The following MTHFSD variants were observed in gnomAD, a reference collection of about 807,000 sequenced individuals.
MTHFSD encodes methenyltetrahydrofolate synthetase domain containing, also known as methenyltetrahydrofolate synthase domain-containing protein.
MTHFSD carries 37 observed loss-of-function variants against 31.1 expected under a neutral mutation model. The ratio of observed to expected loss-of-function variants is 1.19; its 90% confidence interval spans 0.91 to 1.56. The LOEUF is 1.56. Ranked by LOEUF, MTHFSD falls within the 40% of genes most tolerant of loss-of-function variation. MTHFSD has a pLI of 0.00. For synonymous variants in MTHFSD, 221 were observed against 206.9 expected (o/e 1.07, Z -0.59); for missense variants, 664 against 510.1 (o/e 1.30, Z -2.91).
intron 5 of MTHFSD, among the ~76,000 whole-genome samples, chr16:86,543,354 C>T (rs1230642222): frequency 6.6e-6 from 1 of 152,144 alleles, no homozygotes; most frequent in Non-Finnish European, 1.5e-5. Flanking sequence ...GACAATCCAC[C>T]CTTCAGTTCA....
At position 86,540,503 on chromosome 16, in the gene MTHFSD, CT is replaced by C. The variant is rs368429277; in HGVS notation, c.681+1193del. The stretch of plus-strand genomic sequence containing the variant: ...CCAGAGGAGGCTGTCCAGGCTCCCC[CT>C]AATACGGCTGCAATGGGCCCCTTCT... On this transcript the variant is annotated intron_variant, in intron 7 of 7. Transcript: ENST00000360900. Among the ~76,000 whole-genome samples the C allele has an allele frequency of 3.2e-3, 484 of 152,330 alleles. 3 individuals are homozygous for C. Among genetic ancestry groups the C allele is most frequent in the African/African-American group, 0.011 (460 of 41,580 alleles).
chr16:86,553,991 C>T (rs1296954506), intron 2 of MTHFSD, among the ~76,000 whole-genome samples: 2 of 152,136 alleles, frequency 1.3e-5, no homozygotes, highest in South Asian at 2.1e-4. Context: ...ATTGTAAACG[C>T]ACCAATCAGC....
intron 5 of MTHFSD, among the ~76,000 whole-genome samples, chr16:86,546,149 T>C (rs980492438): frequency 1.3e-5 from 2 of 152,210 alleles, no homozygotes; most frequent in African/African-American, 4.8e-5. Context: ...GGACACACCG[T>C]GTTGTTCAAG....
chr16:86,541,177 G>A (rs1971455309), intron 7 of MTHFSD: 2 of 1,289,556 alleles, frequency 1.6e-6, no homozygotes, highest in Non-Finnish European at 2.0e-6. Flanking sequence ...AGACTAATTT[G>A]CAACCTGTGC....
chr16:86,538,311 G>A (rs918445985), intron 7 of MTHFSD, among the ~76,000 whole-genome samples: 3 of 152,324 alleles, frequency 2.0e-5, no homozygotes, highest in African/African-American at 7.2e-5. Context: ...GGGCAGAACA[G>A]AGCTTCCAGG....
chr16:86,554,495 G>A (rs917710081), intron 2 of MTHFSD, 150 bp downstream of exon 2: 3 of 651,886 alleles, frequency 4.6e-6, no homozygotes, highest in East Asian at 2.7e-5. Context: ...TGCTAAGGAC[G>A]CCCTGGCCAA....
At chr16:86,541,345 AGGCAGAGCTTGCTGCGCCTGGGAT>A (rs1296263503) in intron 7 of MTHFSD, 1 of 759,688 alleles carries the variant, frequency 1.3e-6, no homozygotes, top group Non-Finnish European at 1.9e-6. Context: ...AGATAACACC[AGGCAGAGCTTGCTGCGCCTGGGAT>A]GGCAGAAAAC....
At chr16:86,546,105 G>A (rs977963223) in intron 5 of MTHFSD, among the ~76,000 whole-genome samples, 9 of 151,634 alleles carry the variant, frequency 5.9e-5, no homozygotes, top group Non-Finnish European at 1.2e-4. Context: ...CGTTGTTCAG[G>A]AGTCTCGGAC....
chr16:86,534,739 C>T (rs1237874095), intron 7 of MTHFSD, among the ~76,000 whole-genome samples: 1 of 151,788 alleles, frequency 6.6e-6, no homozygotes, highest in South Asian at 2.1e-4. Flanking sequence ...TCTGGAAGAA[C>T]TGAAAGTTAC....
intron 3 of MTHFSD, among the ~76,000 whole-genome samples, chr16:86,550,690 G>A (rs1444292968): frequency 2.0e-5 from 3 of 152,210 alleles, no homozygotes; most frequent in Non-Finnish European, 4.4e-5. Context: ...AGTGACTGCC[G>A]ACTGCCGTCC....
chr16:86,541,332 A>C, intron 7 of MTHFSD: 3 of 833,226 alleles, frequency 3.6e-6, no homozygotes, highest in Non-Finnish European at 5.0e-6. Context: ...GGGAAGACCA[A>C]TGAGATAACA....
At chr16:86,552,319 T>A (rs1358474480) in intron 2 of MTHFSD, 173 bp from the exon 3 acceptor site, 1 of 1,530,506 alleles carries the variant, frequency 6.5e-7, no homozygotes, top group Non-Finnish European at 8.8e-7. Context: ...CGCACGTTAC[T>A]GAAAGGACAG....
intron 7 of MTHFSD, chr16:86,540,810 A>G (rs1971395657): frequency 9.8e-7 from 1 of 1,016,212 alleles, no homozygotes; most frequent in African/African-American, 1.7e-5. Context: ...ACTCTGGGTT[A>G]CAAAGGCTGT....
intron 5 of MTHFSD, among the ~76,000 whole-genome samples, chr16:86,544,476 A>G (rs1971986962): frequency 6.6e-6 from 1 of 152,252 alleles, no homozygotes; most frequent in Non-Finnish European, 1.5e-5. Flanking sequence ...AACATGGAAA[A>G]AAGCTCAACA....
intron 5 of MTHFSD, among the ~76,000 whole-genome samples, chr16:86,543,062 G>A (rs1971748787): frequency 1.3e-5 from 2 of 152,240 alleles, no homozygotes; most frequent in Admixed American, 1.3e-4. Context: ...AACTGTGCAT[G>A]CAGAGAAACA....
intron 4 of MTHFSD, chr16:86,547,431 C>T (rs897680202): frequency 1.6e-5 from 16 of 985,724 alleles, no homozygotes; most frequent in Admixed American, 6.1e-5. Context: ...TGACAAGTTC[C>T]GTATGGATCA....
At chr16:86,547,549 C>T (rs977721715) in intron 4 of MTHFSD, 72 of 987,300 alleles carry the variant, frequency 7.3e-5, no homozygotes, top group Non-Finnish European at 8.4e-5. Flanking sequence ...GCAGGGTCCA[C>T]GGGGGCAGGC....
At chr16:86,545,781 C>T (rs1396311897) in intron 5 of MTHFSD, among the ~76,000 whole-genome samples, 1 of 152,236 alleles carries the variant, frequency 6.6e-6, no homozygotes, top group Admixed American at 6.5e-5. Flanking sequence ...AAAGACCACC[C>T]AGTGCCTGCC....
chr16:86,547,906 G>A lies in MTHFSD; in HGVS notation c.351+558C>T, dbSNP rs1045415543. 4.8e-5 allele frequency: 24 copies of A among 502,912 alleles called. No individual in the cohort carries two copies. In the South Asian group the frequency reaches 5.2e-4, roughly 11 times the overall value. 31.2% of individuals were successfully genotyped at this position (502,912 alleles called of 1,614,324 possible). On this transcript the variant is annotated intron_variant, in intron 4 of 7. Transcript: ENST00000360900. ...GATTCTTAAAAAAGTCACCAAATTC[G>A]ACTTAACTGTAAAATACATGACCAA...
Sources: gnomAD v4.1 joint callset for allele counts (sites outside exome capture counted in the v4.1 genomes callset) on GRCh38, gnomAD v4.1.1 for gene constraint, MANE v1.5 for transcripts, NCBI Gene and HGNC (gene_info 2026-07-23, HGNC 2026-07-21) for gene names.